The following CREB5 variants were observed in gnomAD, a reference collection of about 807,000 sequenced individuals.
The protein encoded by CREB5 is cyclic AMP-responsive element-binding protein 5.
CREB5 carries 19 observed loss-of-function variants against 57.1 expected under a neutral mutation model. The ratio of observed to expected loss-of-function variants is 0.33; its 90% confidence interval spans 0.23 to 0.49. The LOEUF (loss-of-function observed/expected upper bound fraction) is 0.49, where lower values mean the gene tolerates loss of function less well. Ranked by LOEUF, CREB5 falls within the 20% of genes least tolerant of loss-of-function variation. CREB5 has a pLI of 0.99. For missense variants in CREB5, 579 were observed against 671.6 expected, an observed-to-expected ratio of 0.86 and a Z score of 1.52; for synonymous variants, 238 against 238.3, an observed-to-expected ratio of 1.00 and a Z score of 0.01.
chr7:28,622,393 A>C (rs953890441), intron 5 of CREB5, among the ~76,000 whole-genome samples: 2 of 152,108 alleles, frequency 1.3e-5, no homozygotes, highest in African/African-American at 4.8e-5. Flanking sequence ...GCCACCAGAC[A>C]TGCCCTCTAT....
intron 1 of CREB5, among the ~76,000 whole-genome samples, chr7:28,376,261 C>T (rs1490800179): frequency 6.8e-6 from 1 of 148,124 alleles, no homozygotes; most frequent in Non-Finnish European, 1.5e-5. Context: ...GGAGTTCTTC[C>T]AGAGAAGTAC....
intron 5 of CREB5, among the ~76,000 whole-genome samples, chr7:28,715,828 A>G (rs181691390): frequency 4.9e-4 from 74 of 152,268 alleles, no homozygotes; most frequent in African/African-American, 1.7e-3. Context: ...TTTCCCTTCT[A>G]TACACTACTA....
intron 1 of CREB5, among the ~76,000 whole-genome samples, chr7:28,392,958 CTT>C (rs947106222): frequency 4.0e-5 from 6 of 151,224 alleles, no homozygotes; most frequent in African/African-American, 1.5e-4. Flanking sequence ...GAGTTTCGCT[CTT>C]GTTGCCTACA....
At chr7:28,769,880 T>C (rs1286923676) in intron 7 of CREB5, among the ~76,000 whole-genome samples, 2 of 152,104 alleles carry the variant, frequency 1.3e-5, no homozygotes, top group Non-Finnish European at 2.9e-5. Context: ...ACAAGTAGGA[T>C]CACTAGAGCA....
chr7:28,639,270 C>G (rs1798552152), intron 5 of CREB5, among the ~76,000 whole-genome samples: 1 of 152,102 alleles, frequency 6.6e-6, no homozygotes, highest in Non-Finnish European at 1.5e-5. Context: ...CGTGGGTCTC[C>G]TCTTAAAACA....
intron 5 of CREB5, among the ~76,000 whole-genome samples, chr7:28,660,000 C>T (rs1459228540): frequency 6.6e-6 from 1 of 152,130 alleles, no homozygotes; most frequent in Non-Finnish European, 1.5e-5. Context: ...CCAGGTCCCT[C>T]AGCTACACTC....
intron 1 of CREB5, among the ~76,000 whole-genome samples, chr7:28,407,010 G>C (rs1018693390): frequency 1.3e-5 from 2 of 151,330 alleles, no homozygotes; most frequent in Non-Finnish European, 2.9e-5. Flanking sequence ...TGCTTCCATA[G>C]TACTTGCCCT....
At chr7:28,765,417 A>C (rs1183224808) in intron 7 of CREB5, among the ~76,000 whole-genome samples, 1 of 152,208 alleles carries the variant, frequency 6.6e-6, no homozygotes, top group Non-Finnish European at 1.5e-5. Flanking sequence ...ACAAACATGA[A>C]TGTGTATTAG....
chr7:28,432,854 T>C (rs1410796126), intron 1 of CREB5, among the ~76,000 whole-genome samples: 1 of 152,222 alleles, frequency 6.6e-6, no homozygotes, highest in Non-Finnish European at 1.5e-5. Context: ...GATGATCACA[T>C]ATGGTGATTT....
chr7:28,645,012 C>T (rs1489474597), intron 5 of CREB5, among the ~76,000 whole-genome samples: 5 of 152,112 alleles, frequency 3.3e-5, no homozygotes, highest in African/African-American at 9.7e-5. Flanking sequence ...TCTTTTCAGA[C>T]GGAAGATCCC....
chr7:28,642,951 TACACACACACACACAC>T (rs751628412), intron 5 of CREB5, among the ~76,000 whole-genome samples: 5 of 89,660 alleles, frequency 5.6e-5, no homozygotes, highest in Admixed American at 1.1e-4. Flanking sequence ...AGGGTAGATT[TACACACACACACACAC>T]ACACACACAC....
At position 28,477,161 on chromosome 7, in the gene CREB5, G is replaced by T. The variant is rs1299634945; in HGVS notation, c.4-11014G>T. ...AATCATATTTGAACAAGTTCACTGT[G>T]ATGGGTAATCAATCACTGTCCACAG... On this transcript the variant is annotated intron_variant, in intron 1 of 10. Coordinates refer to ENST00000357727, the MANE Select transcript of CREB5 (RefSeq NM_182898.4). Among the ~76,000 whole-genome samples, 3 of 152,336 alleles carry T rather than the reference G, an allele frequency of 2.0e-5. No individual in the cohort carries two copies. The East Asian group carries it at 5.8e-4, about 29-fold the overall frequency.
intron 5 of CREB5, among the ~76,000 whole-genome samples, chr7:28,625,511 G>T (rs2128689140): frequency 6.6e-6 from 1 of 152,294 alleles, no homozygotes; most frequent in East Asian, 1.9e-4. Context: ...GAGGGTCCTT[G>T]TTAGTGGCTG....
intron 7 of CREB5, among the ~76,000 whole-genome samples, chr7:28,777,686 A>G (rs1002555154): frequency 7.9e-5 from 12 of 152,172 alleles, no homozygotes; most frequent in African/African-American, 2.7e-4. Flanking sequence ...TCTCTTTTGG[A>G]GGCTCTTCTT....
chr7:28,562,798 C>G (rs1278081319), intron 4 of CREB5, among the ~76,000 whole-genome samples: 3 of 152,230 alleles, frequency 2.0e-5, no homozygotes, highest in Admixed American at 2.0e-4. Flanking sequence ...GCCAGATATA[C>G]TGTTGTATAT....
chr7:28,313,759 C>T (rs1583664245), intron 1 of CREB5, among the ~76,000 whole-genome samples: 2 of 152,148 alleles, frequency 1.3e-5, no homozygotes, highest in African/African-American at 2.4e-5. Flanking sequence ...GCTTTGTGGA[C>T]TTGTGACCAT....
intron 7 of CREB5, among the ~76,000 whole-genome samples, chr7:28,746,342 G>C (rs1804678268): frequency 6.6e-6 from 1 of 152,184 alleles, no homozygotes; most frequent in Non-Finnish European, 1.5e-5. Context: ...TTAGTCTGTA[G>C]AGGCTCGTTT....
intron 5 of CREB5, among the ~76,000 whole-genome samples, chr7:28,613,702 C>A (rs1333261445): frequency 6.6e-6 from 1 of 152,182 alleles, no homozygotes; most frequent in East Asian, 1.9e-4. Context: ...CAGATCTCGC[C>A]AACAAACTCA....
intron 4 of CREB5, among the ~76,000 whole-genome samples, chr7:28,542,833 A>G (rs985684230): frequency 2.0e-5 from 3 of 152,146 alleles, no homozygotes; most frequent in Non-Finnish European, 4.4e-5. Flanking sequence ...CTGGGTGTAC[A>G]TTTTGGGAGG....
Sources: allele counts gnomAD v4.1 joint callset (sites outside exome capture counted in the v4.1 genomes callset), GRCh38; gene constraint gnomAD v4.1.1; transcripts MANE v1.5; gene names NCBI Gene and HGNC (gene_info 2026-07-23, HGNC 2026-07-21).